Variants in PAFAH1B1 observed in about 807,000 individuals in gnomAD.
PAFAH1B1 encodes platelet-activating factor acetylhydrolase IB subunit beta.
PAFAH1B1 carries 2 observed loss-of-function variants against 57.5 expected under a neutral mutation model. That is an observed-to-expected ratio of 0.03 (90% confidence interval 0.01 to 0.11). The LOEUF (loss-of-function observed/expected upper bound fraction) is 0.11. PAFAH1B1 is among the 10% of genes least tolerant of loss of function. PAFAH1B1 has a pLI of 1.00. For missense variants in PAFAH1B1, 257 were observed against 512.0 expected (o/e 0.50, Z 4.81); for synonymous variants, 152 against 169.6 (o/e 0.90, Z 0.81).
chr17:2,597,798 GTC>G lies in PAFAH1B1; in HGVS notation c.-191+3794_-191+3795del, dbSNP rs746390038. On this transcript the variant is annotated intron_variant, in intron 1 of 10. Transcript: ENST00000397195. The stretch of plus-strand genomic sequence containing the variant: ...AGACAGAAAGTGTGTGTGTGTGTGT[GTC>G]TGTCTGTCTGTCTGCGTATATGAGA... Among the ~76,000 whole-genome samples the G allele has an allele frequency of 3.0e-3, 432 of 142,158 alleles. 9 individuals carry two copies. The highest frequency in any genetic ancestry group is 1.0e-3 in the Non-Finnish European group (65 of 63,564). The allele number at this position is 142,158 out of a possible 152,430, so 93.3% of individuals were successfully genotyped here.
intron 1 of PAFAH1B1, among the ~76,000 whole-genome samples, chr17:2,630,269 G>C (rs2068538921): frequency 6.6e-6 from 1 of 152,156 alleles, no homozygotes; most frequent in Non-Finnish European, 1.5e-5. Flanking sequence ...TCAAGATTTA[G>C]AGCTCCGTTT....
chr17:2,670,356 A>C, intron 6 of PAFAH1B1, 25 bp downstream of exon 6: 1 of 1,592,370 alleles, frequency 6.3e-7, no homozygotes, highest in Non-Finnish European at 8.6e-7. Flanking sequence ...ATAGTGCTTT[A>C]ACAGTAATTT....
chr17:2,597,546 G>C (rs1261697433), intron 1 of PAFAH1B1, among the ~76,000 whole-genome samples: 1 of 150,898 alleles, frequency 6.6e-6, no homozygotes, highest in African/African-American at 2.4e-5. Flanking sequence ...GAGTAGTTGG[G>C]ATTACAGGTG....
Position 2,647,282 on chromosome 17 carries a change from C to T in PAFAH1B1, c.32+8962C>T, listed in dbSNP as rs141839358. Among the ~76,000 whole-genome samples, 730 of 152,266 alleles carry T rather than the reference C, an allele frequency of 4.8e-3. 4 individuals carry two copies. The highest frequency in any genetic ancestry group is 5.9e-3 in the Non-Finnish European group (404 of 68,022). Reference sequence around the variant, plus strand: ...GGTGCGAGCTGAGGCACGAGAATTGCTTGAACCCTTGAGGTGGAGGTTGCA... The same window carrying T: ...GGTGCGAGCTGAGGCACGAGAATTGTTTGAACCCTTGAGGTGGAGGTTGCA... On this transcript the variant is annotated intron_variant, in intron 2 of 10. Transcript: ENST00000397195.
chr17:2,646,758 C>A (rs2068775165), intron 2 of PAFAH1B1, among the ~76,000 whole-genome samples: 1 of 152,128 alleles, frequency 6.6e-6, no homozygotes. Flanking sequence ...TTGAATAGAT[C>A]ATTAAATATA....
chr17:2,664,570 A>T (rs2069071184), intron 2 of PAFAH1B1, among the ~76,000 whole-genome samples: 1 of 151,352 alleles, frequency 6.6e-6, no homozygotes, highest in Non-Finnish European at 1.5e-5. Flanking sequence ...CACGCCAGCT[A>T]ATTTTTGTAT....
At chr17:2,619,327 A>C (rs1424727803) in intron 1 of PAFAH1B1, among the ~76,000 whole-genome samples, 1 of 152,004 alleles carries the variant, frequency 6.6e-6, no homozygotes, top group Non-Finnish European at 1.5e-5. Flanking sequence ...GCTAATTAAA[A>C]AAAATTATTT....
At position 2,681,797 on chromosome 17, in the gene PAFAH1B1, C is replaced by T. The variant is rs1292467643; in HGVS notation, c.1228C>T (p.Arg410Cys). ...TCAAACAGTAAAAGTGTGGGAGTGCCGTTGATTGTGTCTCCTTCGGCCCCT... is the reference window on the plus strand; with the variant it reads ...TCAAACAGTAAAAGTGTGGGAGTGCTGTTGATTGTGTCTCCTTCGGCCCCT... ...VDQTVKVWEC[R>C] Residue 410 changes from arginine to cysteine, a missense_variant, in exon 11 of 11, where the codon CGT becomes TGT. Transcript: ENST00000397195. 6.2e-7 allele frequency: 1 copy of T among 1,610,768 alleles called. No homozygotes were observed. Among genetic ancestry groups the T allele is most frequent in the Non-Finnish European group, 8.5e-7 (1 of 1,178,738 alleles).
intron 1 of PAFAH1B1, among the ~76,000 whole-genome samples, chr17:2,608,286 A>C (rs538810734): frequency 8.6e-5 from 13 of 151,824 alleles, no homozygotes; most frequent in African/African-American, 2.9e-4. Flanking sequence ...GGGTTGCACT[A>C]TGTTGGCCAG....
intron 2 of PAFAH1B1, among the ~76,000 whole-genome samples, chr17:2,662,497 A>G (rs2069031686): frequency 6.6e-6 from 1 of 150,690 alleles, no homozygotes; most frequent in African/African-American, 2.4e-5. Context: ...TTTGCCTCCC[A>G]GATTCAAGCA....
intron 1 of PAFAH1B1, among the ~76,000 whole-genome samples, chr17:2,622,323 CTA>C (rs1483991836): frequency 1.3e-5 from 2 of 152,138 alleles, no homozygotes; most frequent in Admixed American, 6.6e-5. Flanking sequence ...TCCCTTCTGC[CTA>C]TGAGCCTGTA....
At position 2,662,423 on chromosome 17, in the gene PAFAH1B1, T is replaced by A. The variant is rs559388938; in HGVS notation, c.33-2949T>A. 2.9e-3 allele frequency among the ~76,000 whole-genome samples: 419 copies of A among 144,054 alleles called. 1 individual carries two copies. Among genetic ancestry groups the A allele is most frequent in the African/African-American group, 9.5e-3 (367 of 38,610 alleles). The allele number at this position is 144,054 out of a possible 152,430, so 94.5% of individuals were successfully genotyped here. The stretch of plus-strand genomic sequence containing the variant: ...GTGTGTGTGTGTGTGTGTGTGTGTG[T>A]GACGGAGTTTCACTCTGTCATCCAG... On this transcript the variant is annotated intron_variant, in intron 2 of 10. Coordinates refer to ENST00000397195, the MANE Select transcript of PAFAH1B1 (RefSeq NM_000430.4).
At chr17:2,653,969 C>G (rs1181717356) in intron 2 of PAFAH1B1, among the ~76,000 whole-genome samples, 3 of 151,736 alleles carry the variant, frequency 2.0e-5, no homozygotes, top group African/African-American at 7.3e-5. Flanking sequence ...CCACCATGCC[C>G]GGTTAATTTT....
chr17:2,626,236 A>C (rs1277310027), intron 1 of PAFAH1B1, among the ~76,000 whole-genome samples: 1 of 151,888 alleles, frequency 6.6e-6, no homozygotes, highest in African/African-American at 2.4e-5. Flanking sequence ...CCTGGGCGAC[A>C]GTGAGACTCC....
chr17:2,638,807 C>T (rs763800542), intron 2 of PAFAH1B1, among the ~76,000 whole-genome samples: 9 of 152,002 alleles, frequency 5.9e-5, no homozygotes, highest in Admixed American at 2.6e-4. Context: ...TTTGCCCGGC[C>T]GTGATACAGC....
At chr17:2,639,306 T>C (rs1352667326) in intron 2 of PAFAH1B1, 1 of 152,208 alleles carries the variant, frequency 6.6e-6, no homozygotes. Flanking sequence ...ATGAAAGCTG[T>C]TTTGTTCTTG....
rs2069365342 is a variant in PAFAH1B1 at position 2,680,467 on chromosome 17, TA to T, written c.1159+148del. On this transcript the variant is annotated intron_variant, in intron 10 of 10. Transcript: ENST00000397195. ...AAGACATGAAAATCTTGTGGATTCC[TA>T]CCATTTGTTTTAAATTCTCCTTTCC... The T allele has an allele frequency of 6.5e-6, 5 of 767,266 alleles. No individual in the cohort carries two copies. The South Asian group carries it at 7.1e-5, about 11-fold the overall frequency. The allele number at this position is 767,266 out of a possible 1,614,324, so 47.5% of individuals were successfully genotyped here.
intron 1 of PAFAH1B1, among the ~76,000 whole-genome samples, chr17:2,597,961 G>A (rs2068102773): frequency 6.6e-6 from 1 of 151,958 alleles, no homozygotes; most frequent in South Asian, 2.1e-4. Flanking sequence ...AGATGAAGAT[G>A]TCTGGCCAGA....
chr17:2,669,369 A>G (rs2069149554), intron 5 of PAFAH1B1, among the ~76,000 whole-genome samples: 2 of 151,704 alleles, frequency 1.3e-5, no homozygotes, highest in East Asian at 2.0e-4. Flanking sequence ...GGTTCAAGCA[A>G]TTCTGCCTCA....
Sources: gnomAD v4.1 joint callset for allele counts (sites outside exome capture counted in the v4.1 genomes callset) on GRCh38, gnomAD v4.1.1 for gene constraint, MANE v1.5 for transcripts, NCBI Gene and HGNC (gene_info 2026-07-23, HGNC 2026-07-21) for gene names.